Variants in TMX3 observed in about 807,000 individuals in gnomAD.
TMX3 encodes the protein thioredoxin related transmembrane protein 3.
Under a neutral mutation model 64.4 loss-of-function variants are expected in TMX3, and 40 were observed. That is an observed-to-expected ratio of 0.62 (90% confidence interval 0.48 to 0.81). The LOEUF (loss-of-function observed/expected upper bound fraction) is 0.81, where lower values mean the gene tolerates loss of function less well. TMX3 is among the 30% of genes least tolerant of loss of function. The pLI is 0.00. For missense variants in TMX3, 497 were observed against 534.5 expected (o/e 0.93, Z 0.69); for synonymous variants, 189 against 175.7 (o/e 1.08, Z -0.60).
chr18:68,700,459 T>C lies in TMX3; in HGVS notation c.338A>G (p.Tyr113Cys), dbSNP rs2029926957. ...ATCATCTTTTGTTCGTGGTCCTCTA[T>C]AATTATATGCCAAGTCCCCTTTTAA... The part of the protein sequence containing the change: ...KLLKGDLAYN[Y>C]RGPRTKDDII... Residue 113 changes from tyrosine to cysteine, a missense_variant, in exon 6 of 16, where the codon TAT becomes TGT. This residue lies in a region of TMX3 where 360 missense variants were observed against 383.5 expected (regional missense o/e 0.94). Coordinates refer to ENST00000299608, the MANE Select transcript of TMX3 (RefSeq NM_019022.5). 2 of 1,572,470 alleles carry C rather than the reference T, an allele frequency of 1.3e-6. No individual in the cohort carries two copies. The highest frequency in any genetic ancestry group is 2.7e-5 in the African/African-American group (2 of 72,768).
rs772657310 is a variant in TMX3, at chr18:68,677,073, G to A, written c.1225C>T (p.Arg409Ter). ...TTTTCACTTTTAGACACTTCATATC[G>A]TTCTTCTATATAACCTCCATCTGTG... ...ADTDGGYIEE[R>*]YEVSKSENEN... The change falls in exon 16 of 16, where the codon CGA (arginine) becomes TGA (stop). Residue 409 changes from arginine to a stop codon, truncating the protein, a stop_gained. Transcript: ENST00000299608. LOFTEE classifies it low-confidence loss of function (END_TRUNC). 12 of 1,613,460 alleles carry A rather than the reference G, an allele frequency of 7.4e-6. No individual in the cohort carries two copies. Among genetic ancestry groups the A allele is most frequent in the African/African-American group, 5.3e-5 (4 of 74,780 alleles).
intron 4 of TMX3, among the ~76,000 whole-genome samples, chr18:68,709,097 ATCAT>A (rs1235649275): frequency 6.6e-6 from 1 of 152,164 alleles, no homozygotes; most frequent in Non-Finnish European, 1.5e-5. Flanking sequence ...TATCTGCTGG[ATCAT>A]TCAAACCTCA....
At chr18:68,679,669 C>T in intron 14 of TMX3, 138 bp from the exon 15 acceptor site, 1 of 649,714 alleles carries the variant, frequency 1.5e-6, no homozygotes, top group South Asian at 2.1e-5. Flanking sequence ...ATGTGGTAAA[C>T]ATTTACTGTG....
intron 4 of TMX3, among the ~76,000 whole-genome samples, chr18:68,708,909 G>C (rs954788335): frequency 1.1e-4 from 17 of 152,114 alleles, no homozygotes; most frequent in African/African-American, 4.1e-4. Context: ...AAAATTAAGA[G>C]AGGTTAAGTG....
chr18:68,683,520 T>C (rs1913649835), intron 12 of TMX3, among the ~76,000 whole-genome samples: 2 of 152,288 alleles, frequency 1.3e-5, no homozygotes, highest in African/African-American at 4.8e-5. Context: ...TTCTTTTGAG[T>C]TTCTGTTAGA....
chr18:68,685,226 T>C (rs1008183234), intron 10 of TMX3, among the ~76,000 whole-genome samples: 1 of 152,142 alleles, frequency 6.6e-6, no homozygotes, highest in South Asian at 2.1e-4. Flanking sequence ...ATATATTTCA[T>C]AGAGTTATTG....
At chr18:68,684,123 T>A in intron 12 of TMX3, 67 bp downstream of exon 12, 16 of 1,166,834 alleles carry the variant, frequency 1.4e-5, no homozygotes, top group Non-Finnish European at 1.9e-5. Flanking sequence ...CTACTAAGTT[T>A]GCTTTACTAA....
chr18:68,704,307 C>A (rs1262765484), intron 4 of TMX3, among the ~76,000 whole-genome samples: 1 of 152,030 alleles, frequency 6.6e-6, no homozygotes, highest in Non-Finnish European at 1.5e-5. Context: ...TAAAATTGCA[C>A]CTCAAAACAA....
intron 1 of TMX3, 77 bp from the exon 2 acceptor site, chr18:68,713,977 A>C (rs2031605468): frequency 1.9e-6 from 2 of 1,061,152 alleles, no homozygotes; most frequent in Non-Finnish European, 1.3e-6. Flanking sequence ...TCATCTCTGA[A>C]GTGTTTTTGA....
chr18:68,684,576 A>C, intron 10 of TMX3, 91 bp from the exon 11 acceptor site: 1 of 1,036,422 alleles, frequency 9.6e-7, no homozygotes, highest in Non-Finnish European at 1.5e-6. Flanking sequence ...AAATTAGTAA[A>C]GTATTTCTAG....
At chr18:68,701,624 T>G in intron 5 of TMX3, 121 bp downstream of exon 5, 3 of 1,540,986 alleles carry the variant, frequency 1.9e-6, no homozygotes, top group Non-Finnish European at 2.6e-6. Flanking sequence ...ACTTCACCTA[T>G]GAAGAATGGC....
intron 10 of TMX3, 86 bp from the exon 11 acceptor site, chr18:68,684,571 A>G: frequency 9.1e-7 from 1 of 1,092,908 alleles, no homozygotes; most frequent in Non-Finnish European, 1.4e-6. Context: ...GTAGGAAATT[A>G]GTAAAGTATT....
At chr18:68,685,664 G>A (rs1913878630) in intron 10 of TMX3, among the ~76,000 whole-genome samples, 1 of 152,118 alleles carries the variant, frequency 6.6e-6, no homozygotes, top group Non-Finnish European at 1.5e-5. Context: ...CTGGTTCCGA[G>A]GACATGGTGA....
intron 4 of TMX3, among the ~76,000 whole-genome samples, chr18:68,702,544 C>A (rs995473745): frequency 2.0e-5 from 3 of 152,154 alleles, no homozygotes; most frequent in Non-Finnish European, 4.4e-5. Flanking sequence ...CACTACTTTA[C>A]AGACAAAACG....
In TMX3 at chr18:68,684,247, TAGA is replaced by T. The variant is rs1568181495; in HGVS notation, c.795-7_795-5del. The T allele has an allele frequency of 3.7e-6, 6 of 1,610,068 alleles. No homozygotes were observed. Among genetic ancestry groups the T allele is most frequent in the African/African-American group, 2.7e-5 (2 of 74,824 alleles). ...TTCCTGAATAATTGACTTCAATCTG[TAGA>T]AGAACAAACATATGAATAGTTCATC... is the stretch of plus-strand genomic sequence containing the variant. On this transcript the variant is annotated splice_region_variant and splice_polypyrimidine_tract_variant and intron_variant, in intron 11 of 15. Transcript: ENST00000299608.
chr18:68,696,403 A>G (rs113481123), intron 8 of TMX3, among the ~76,000 whole-genome samples: 17 of 152,016 alleles, frequency 1.1e-4, no homozygotes, highest in Non-Finnish European at 2.9e-5. Flanking sequence ...CAAACTTCTG[A>G]CCTTGTGATC....
In TMX3 at chr18:68,680,029, C is replaced by A. The variant is rs55974699; in HGVS notation, c.1036-498G>T. ...TCCAAGCTCTATGAGACAATAAAAT[C>A]TGTTGTTAAATAGTCTGAGTTGCAT... On this transcript the variant is annotated intron_variant, in intron 14 of 15. Transcript: ENST00000299608. Among the ~76,000 whole-genome samples the A allele has an allele frequency of 5.6e-3, 845 of 152,240 alleles. 10 individuals are homozygous for A. Among genetic ancestry groups the A allele is most frequent in the African/African-American group, 0.019 (801 of 41,544 alleles).
rs951589017 is a variant in TMX3, at chr18:68,676,296, T to C, written c.*637A>G. 1 of 152,124 alleles carries C rather than the reference T, an allele frequency of 6.6e-6. No individual in the cohort carries two copies. The highest frequency in any genetic ancestry group is 2.4e-5 in the African/African-American group (1 of 41,410). 9.4% of individuals were successfully genotyped at this position (152,124 alleles called of 1,614,324 possible). ...TTTGCGAAAGTCAATCACAAGACTT[T>C]TTTTCCCCATTATCTAGGCATATAT... is the stretch of plus-strand genomic sequence containing the variant. On this transcript the variant is annotated 3_prime_UTR_variant, in exon 16 of 16. Transcript: ENST00000299608.
At chr18:68,702,085 T>TA (rs35194644) in intron 4 of TMX3, among the ~76,000 whole-genome samples, 9,047 of 133,826 alleles carry the variant, frequency 0.068, 859 homozygotes, top group African/African-American at 0.22. Context: ...GATATACTGG[T>TA]AAAAAAAATA....
Sources: allele counts gnomAD v4.1 joint callset (sites outside exome capture counted in the v4.1 genomes callset), GRCh38; gene constraint gnomAD v4.1.1; regional missense constraint gnomAD v4.1.1; transcripts MANE v1.5; gene names NCBI Gene and HGNC (gene_info 2026-07-23, HGNC 2026-07-21).